Variants in ASIC2 observed in about 807,000 individuals in gnomAD.
ASIC2 encodes acid sensing ion channel subunit 2, also known as acid-sensing ion channel 2.
ASIC2 carries 25 observed loss-of-function variants against 57.3 expected under a neutral mutation model. The observed-to-expected ratio is 0.44, with a 90% CI of 0.32 to 0.61. The LOEUF (loss-of-function observed/expected upper bound fraction) is 0.61. ASIC2 is among the 20% of genes least tolerant of loss of function. The probability of loss-of-function intolerance (pLI) is 0.06; values close to 1 mark genes in which losing one functional copy is unlikely to be tolerated. For missense variants in ASIC2, 641 were observed against 738.1 expected, an observed-to-expected ratio of 0.87 and a Z score of 1.52; for synonymous variants, 319 against 307.5, an observed-to-expected ratio of 1.04 and a Z score of -0.39.
intron 1 of ASIC2, among the ~76,000 whole-genome samples, chr17:33,833,443 C>T (rs969247558): frequency 1.3e-5 from 2 of 151,990 alleles, no homozygotes; most frequent in African/African-American, 4.8e-5. Flanking sequence ...CCTTTGTAAT[C>T]GGGGAGCAGA....
intron 1 of ASIC2, among the ~76,000 whole-genome samples, chr17:33,616,047 C>G (rs891960000): frequency 6.6e-6 from 1 of 152,198 alleles, no homozygotes; most frequent in African/African-American, 2.4e-5. Flanking sequence ...ATTGGAGACA[C>G]TCTTCAAAGT....
chr17:33,782,999 TCTC>T (rs1911502160), intron 1 of ASIC2, among the ~76,000 whole-genome samples: 1 of 152,208 alleles, frequency 6.6e-6, no homozygotes, highest in Admixed American at 6.5e-5. Context: ...CTCCTGGGCT[TCTC>T]CCATGGCTGG....
chr17:33,639,013 C>T (rs1047247940), intron 1 of ASIC2, among the ~76,000 whole-genome samples: 6 of 151,796 alleles, frequency 4.0e-5, no homozygotes, highest in African/African-American at 7.3e-5. Flanking sequence ...TTTCTGCCTC[C>T]GTTCCCCAAA....
chr17:33,180,033 CAGCAG>C (rs1434522290), intron 1 of ASIC2, among the ~76,000 whole-genome samples: 1 of 152,188 alleles, frequency 6.6e-6, no homozygotes, highest in Non-Finnish European at 1.5e-5. Flanking sequence ...TCTACATAAA[CAGCAG>C]AGCCATTCCC....
intron 1 of ASIC2, chr17:33,980,942 A>ATTTTTT (rs34633102): frequency 0.15 from 20,149 of 130,428 alleles, 2,974 homozygotes; most frequent in South Asian, 0.24. Context: ...CTCAAGTGTA[A>ATTTTTT]TTTTTTTTTT....
rs566843398 is a variant in ASIC2 at position 34,030,585 on chromosome 17, T to C, written c.555+125393A>G. Among the ~76,000 whole-genome samples, 11 of 151,886 alleles carry C rather than the reference T, an allele frequency of 7.2e-5. No individual in the cohort carries two copies. In the South Asian group the frequency reaches 2.1e-3, roughly 29 times the overall value. On this transcript the variant is annotated intron_variant, in intron 1 of 9. Transcript: ENST00000359872. ...CGCCTCACCTGGGAAGCTCAAGGGG[T>C]CAGGGAATTTCCTTTCCTACTCAAA...
chr17:33,492,556 C>A (rs1029954619), intron 1 of ASIC2, among the ~76,000 whole-genome samples: 1 of 152,206 alleles, frequency 6.6e-6, no homozygotes, highest in African/African-American at 2.4e-5. Flanking sequence ...CTTCCTCTTG[C>A]CCAGGGTCAC....
intron 1 of ASIC2, among the ~76,000 whole-genome samples, chr17:33,816,390 C>G (rs1210165800): frequency 2.0e-5 from 3 of 152,148 alleles, no homozygotes; most frequent in Non-Finnish European, 4.4e-5. Flanking sequence ...CTGTTAATGT[C>G]CATCATGAGC....
chr17:33,933,752 G>T (rs1011518190), intron 1 of ASIC2, among the ~76,000 whole-genome samples: 2 of 152,206 alleles, frequency 1.3e-5, no homozygotes, highest in Admixed American at 1.3e-4. Context: ...GAGCAGGTGT[G>T]AGGTCTCACT....
intron 1 of ASIC2, among the ~76,000 whole-genome samples, chr17:33,890,302 T>A (rs145029488): frequency 1.4e-3 from 206 of 152,306 alleles, no homozygotes; most frequent in African/African-American, 4.8e-3. Flanking sequence ...CTGGCTCCCA[T>A]GTTGACTGTA....
chr17:33,329,828 A>T (rs915069350), intron 1 of ASIC2, among the ~76,000 whole-genome samples: 1 of 152,134 alleles, frequency 6.6e-6, no homozygotes, highest in African/African-American at 2.4e-5. Context: ...CTGTGGAACT[A>T]TCAAGAACTA....
chr17:33,542,817 T>C (rs1189088706), intron 1 of ASIC2, among the ~76,000 whole-genome samples: 1 of 147,526 alleles, frequency 6.8e-6, no homozygotes, highest in Non-Finnish European at 1.5e-5. Flanking sequence ...ATGAAGTCCT[T>C]GCCCATGCCT....
At position 33,620,585 on chromosome 17, in the gene ASIC2, CA is replaced by C. The variant is rs748280003; in HGVS notation, c.556-508519del. On this transcript the variant is annotated intron_variant, in intron 1 of 9. Coordinates refer to the ASIC2 transcript ENST00000359872. ...AATCATCCTTATTTTAGAGCTTCCC[CA>C]TAAAATTAGCAACTTTGCCATTTTT... 2.1e-3 allele frequency among the ~76,000 whole-genome samples: 316 copies of C among 152,264 alleles called. 3 individuals carry two copies. Among genetic ancestry groups the C allele is most frequent in the Non-Finnish European group, 3.5e-3 (240 of 68,028 alleles).
At chr17:34,142,895 G>GC (rs139795855) in intron 1 of ASIC2, 61 of 152,330 alleles carry the variant, frequency 4.0e-4, no homozygotes, top group African/African-American at 1.4e-3. Context: ...AGACCCCTGA[G>GC]CCCACTAGTT....
Position 33,970,166 on chromosome 17 carries a change from G to T in ASIC2, c.555+185812C>A, listed in dbSNP as rs76225606. ...TGTAGGATGCTAAGCAGCGTCCCTG[G>T]CCTCTACCCACTAGATGCCAGTAGC... On this transcript the variant is annotated intron_variant, in intron 1 of 9. Transcript: ENST00000359872. 2.0e-5 allele frequency among the ~76,000 whole-genome samples: 3 copies of T among 152,256 alleles called. No individual in the cohort carries two copies. The East Asian group carries it at 5.8e-4, about 29-fold the overall frequency.
At chr17:33,451,753 T>A (rs1440470528) in intron 1 of ASIC2, among the ~76,000 whole-genome samples, 5 of 152,210 alleles carry the variant, frequency 3.3e-5, no homozygotes, top group African/African-American at 1.2e-4. Flanking sequence ...CTCAATGGTG[T>A]ATTGGCTTCT....
At chr17:34,091,393 T>C (rs1598019366) in intron 1 of ASIC2, among the ~76,000 whole-genome samples, 1 of 152,200 alleles carries the variant, frequency 6.6e-6, no homozygotes, top group South Asian at 2.1e-4. Flanking sequence ...TGGCAAGTGA[T>C]GATTGAGGCA....
intron 1 of ASIC2, among the ~76,000 whole-genome samples, chr17:33,479,605 G>A (rs1196106030): frequency 2.6e-5 from 4 of 152,176 alleles, no homozygotes; most frequent in African/African-American, 7.2e-5. Context: ...TGGGCCTTCT[G>A]GGGTGCTTCC....
chr17:33,666,340 G>C (rs144480915), intron 1 of ASIC2, among the ~76,000 whole-genome samples: 13 of 152,276 alleles, frequency 8.5e-5, no homozygotes, highest in African/African-American at 3.1e-4. Flanking sequence ...GCAGAGTTTG[G>C]GGAGATTTTG....
Sources: allele counts gnomAD v4.1 joint callset (sites outside exome capture counted in the v4.1 genomes callset), GRCh38; gene constraint gnomAD v4.1.1; transcripts MANE v1.5; gene names NCBI Gene and HGNC (gene_info 2026-07-23, HGNC 2026-07-21).